The following NKAIN1 variants were observed in gnomAD, a reference collection of about 807,000 sequenced individuals.
NKAIN1 encodes the protein sodium/potassium-transporting ATPase subunit beta-1-interacting protein 1.
A neutral mutation model predicts 31.6 loss-of-function variants in NKAIN1; 13 were observed. The ratio of observed to expected loss-of-function variants is 0.41; its 90% CI spans 0.27 to 0.65. The LOEUF is 0.65. NKAIN1 is among the 30% of genes least tolerant of loss of function. The pLI is 0.30. For synonymous variants in NKAIN1, 104 were observed against 109.0 expected, an observed-to-expected ratio of 0.95 and a Z score of 0.28; for missense variants, 193 against 262.2, an observed-to-expected ratio of 0.74 and a Z score of 1.82.
In NKAIN1 at chr1:31,179,832, A is replaced by T. The variant is rs1363518633; in HGVS notation, c.*1871T>A. 6.6e-6 allele frequency: 1 copy of T among 152,242 alleles called. No individual in the cohort carries two copies. The highest frequency in any genetic ancestry group is 1.9e-4 in the East Asian group (1 of 5,190). The allele number at this position is 152,242 out of a possible 1,614,324, so 9.4% of individuals were successfully genotyped here. A position where few individuals can be genotyped will look rare whatever the true frequency, so the allele number is the denominator to read the frequency against. ...CCTTGCAAGGTCCCAGTGAAAAGAG[A>T]ACCTGGTCCCCTTGCAAAAACCATC... On this transcript the variant is annotated 3_prime_UTR_variant, in exon 7 of 7. Coordinates refer to ENST00000373736, the MANE Select transcript of NKAIN1 (RefSeq NM_024522.3).
At chr1:31,235,358 A>G (rs542610808) in intron 1 of NKAIN1, among the ~76,000 whole-genome samples, 2 of 151,542 alleles carry the variant, frequency 1.3e-5, no homozygotes, top group Admixed American at 1.3e-4. Flanking sequence ...ACCAAAAAGA[A>G]TTCTGGAAAG....
intron 1 of NKAIN1, among the ~76,000 whole-genome samples, chr1:31,189,441 C>T (rs1229833823): frequency 6.6e-6 from 1 of 152,126 alleles, no homozygotes; most frequent in East Asian, 1.9e-4. Flanking sequence ...CTCAGCCTCC[C>T]GAGTAGCTGG....
chr1:31,196,474 C>G (rs1456426308), intron 1 of NKAIN1, among the ~76,000 whole-genome samples: 1 of 145,924 alleles, frequency 6.9e-6, no homozygotes, highest in African/African-American at 2.6e-5. Flanking sequence ...GATCGTGCCA[C>G]TGCACTCCAG....
chr1:31,212,639 A>G (rs1382387718), intron 1 of NKAIN1, among the ~76,000 whole-genome samples: 2 of 152,026 alleles, frequency 1.3e-5, no homozygotes, highest in Admixed American at 6.6e-5. Flanking sequence ...TCCTGAGCTC[A>G]AGCAATCTGC....
At position 31,200,047 on chromosome 1, in the gene NKAIN1, G is replaced by GCATGCA. The variant is rs1291502701; in HGVS notation, c.55-11861_55-11860insTGCATG. 6.0e-4 allele frequency among the ~76,000 whole-genome samples: 84 copies of GCATGCA among 139,212 alleles called. 1 individual carries two copies. The highest frequency in any genetic ancestry group is 1.1e-3 in the Admixed American group (16 of 14,452). 91.3% of individuals were successfully genotyped at this position (139,212 alleles called of 152,430 possible). On this transcript the variant is annotated intron_variant, in intron 1 of 6. Transcript: ENST00000373736. ...CACGCACACACACACACATGCACAC[G>GCATGCA]TGCACACACGCACGCGCACGCACGA...
chr1:31,222,896 T>G (rs976524739), intron 1 of NKAIN1, among the ~76,000 whole-genome samples: 1 of 152,182 alleles, frequency 6.6e-6, no homozygotes, highest in East Asian at 1.9e-4. Context: ...CATATAATAG[T>G]GTCTACCTCT....
intron 1 of NKAIN1, among the ~76,000 whole-genome samples, chr1:31,237,842 A>G (rs189253323): frequency 2.0e-5 from 3 of 152,194 alleles, no homozygotes; most frequent in African/African-American, 7.2e-5. Context: ...TTATGTATGT[A>G]TTTATTTTTT....
At chr1:31,206,237 A>AAAATAAAT (rs370910970) in intron 1 of NKAIN1, among the ~76,000 whole-genome samples, 7 of 130,874 alleles carry the variant, frequency 5.3e-5, no homozygotes, top group South Asian at 5.3e-4. Flanking sequence ...CTCCATCTCA[A>AAAATAAAT]AAATAAATAA....
rs906984852 is a variant in NKAIN1, at chr1:31,215,306, C to T, written c.54+24188G>A. ...CAGTACTCCCCCCAACCCAGGGCTT[C>T]GGGATCCCCCTTACCTACTTTCTGT... On this transcript the variant is annotated intron_variant, in intron 1 of 6. Transcript: ENST00000373736. 4.6e-5 allele frequency among the ~76,000 whole-genome samples: 7 copies of T among 152,184 alleles called. No individual in the cohort carries two copies. In the South Asian group the frequency reaches 1.0e-3, roughly 22 times the overall value.
chr1:31,198,397 C>T (rs1311173756), intron 1 of NKAIN1, among the ~76,000 whole-genome samples: 1 of 152,114 alleles, frequency 6.6e-6, no homozygotes, highest in Non-Finnish European at 1.5e-5. Flanking sequence ...CTCCATATGC[C>T]CAAACCTGGT....
intron 1 of NKAIN1, among the ~76,000 whole-genome samples, chr1:31,222,468 C>T (rs541787178): frequency 5.3e-5 from 8 of 152,218 alleles, no homozygotes; most frequent in Non-Finnish European, 1.2e-4. Flanking sequence ...TGTCATCTGC[C>T]AGGCCTTCAC....
intron 2 of NKAIN1, among the ~76,000 whole-genome samples, chr1:31,187,779 G>A (rs916821783): frequency 1.3e-5 from 2 of 151,864 alleles, no homozygotes; most frequent in African/African-American, 2.4e-5. Flanking sequence ...ATTTCGCAGC[G>A]TGCCTGGCAC....
chr1:31,215,538 A>C (rs10798831), intron 1 of NKAIN1, among the ~76,000 whole-genome samples: 77,773 of 151,902 alleles, frequency 0.51, 21,346 homozygotes, highest in East Asian at 0.77. Flanking sequence ...CCTGGCACTG[A>C]ACTACTCATT....
At chr1:31,184,045 G>A (rs1255516681) in intron 3 of NKAIN1, 31 bp from the exon 4 acceptor site, 2 of 1,593,272 alleles carry the variant, frequency 1.3e-6, no homozygotes, top group South Asian at 1.1e-5. Context: ...GATACTGAGT[G>A]TGAGGGAGAG....
chr1:31,188,617 C>T (rs904057438), intron 1 of NKAIN1, among the ~76,000 whole-genome samples: 1 of 152,186 alleles, frequency 6.6e-6, no homozygotes, highest in East Asian at 1.9e-4. Flanking sequence ...AGAAGGAATG[C>T]TTTTCACTCC....
chr1:31,215,561 C>G (rs1216351887), intron 1 of NKAIN1, among the ~76,000 whole-genome samples: 2 of 152,190 alleles, frequency 1.3e-5, no homozygotes, highest in East Asian at 1.9e-4. Flanking sequence ...TATGCTGAAG[C>G]TCTGATTATC....
At chr1:31,185,659 C>T (rs1476253902) in intron 2 of NKAIN1, among the ~76,000 whole-genome samples, 1 of 152,190 alleles carries the variant, frequency 6.6e-6, no homozygotes, top group African/African-American at 2.4e-5. Context: ...CTAACAACAT[C>T]CTCTAGACCA....
At chr1:31,204,265 G>A (rs886150726) in intron 1 of NKAIN1, among the ~76,000 whole-genome samples, 4 of 152,150 alleles carry the variant, frequency 2.6e-5, no homozygotes, top group Admixed American at 6.6e-5. Flanking sequence ...AGACATGGAA[G>A]CTGGGTGCTT....
intron 1 of NKAIN1, among the ~76,000 whole-genome samples, chr1:31,196,500 G>A (rs1287178550): frequency 8.3e-6 from 1 of 120,482 alleles, no homozygotes. Context: ...GCAACAGAGT[G>A]AGACTCCTAC....
Sources: gnomAD v4.1 joint callset for allele counts (sites outside exome capture counted in the v4.1 genomes callset) on GRCh38, gnomAD v4.1.1 for gene constraint, MANE v1.5 for transcripts, NCBI Gene and HGNC (gene_info 2026-07-23, HGNC 2026-07-21) for gene names.